The following ABTB3 variants were observed in gnomAD, a reference collection of about 807,000 sequenced individuals.
ABTB3 encodes the protein ankyrin repeat and BTB domain containing 3.
the ABTB3 span, among the ~76,000 whole-genome samples, chr12:107,441,774 C>CAAAAAAAAAAAAAAAA: frequency 4.4e-4 from 35 of 80,016 alleles, 1 homozygote; most frequent in African/African-American, 1.6e-3. Flanking sequence ...CTTGTCTCTA[C>CAAAAAAAAAAAAAAAA]AAAAAAAAAA....
chr12:107,409,899 GAA>G, the ABTB3 span, among the ~76,000 whole-genome samples: 4 of 152,104 alleles, frequency 2.6e-5, no homozygotes, highest in Non-Finnish European at 5.9e-5. Flanking sequence ...ATCAAAAAAA[GAA>G]AAGAAAATAC....
chr12:107,397,907 G>GC, the ABTB3 span, among the ~76,000 whole-genome samples: 8 of 152,152 alleles, frequency 5.3e-5, no homozygotes, highest in African/African-American at 1.9e-4. Context: ...GTTCTGTGCT[G>GC]CGTTGACATA....
At chr12:107,639,280 C>T in the ABTB3 span, among the ~76,000 whole-genome samples, 2 of 152,152 alleles carry the variant, frequency 1.3e-5, no homozygotes, top group African/African-American at 4.8e-5. Context: ...CACAAGTGGC[C>T]TCATTAAGAC....
chr12:107,637,851 C>T, the ABTB3 span, among the ~76,000 whole-genome samples: 1 of 150,058 alleles, frequency 6.7e-6, no homozygotes, highest in Non-Finnish European at 1.5e-5. Flanking sequence ...TGTCCTGTTG[C>T]CCTCCCAATG....
At chr12:107,385,034 A>C in the ABTB3 span, among the ~76,000 whole-genome samples, 7 of 152,240 alleles carry the variant, frequency 4.6e-5, no homozygotes, top group African/African-American at 1.7e-4. Context: ...ACTAGGGCTT[A>C]GTTCAGCACT....
the ABTB3 span, among the ~76,000 whole-genome samples, chr12:107,320,329 C>T: frequency 6.6e-6 from 1 of 152,226 alleles, no homozygotes; most frequent in Non-Finnish European, 1.5e-5. Flanking sequence ...CGGGGCGGGG[C>T]GACAGCTGCC....
the ABTB3 span, among the ~76,000 whole-genome samples, chr12:107,549,134 T>C: frequency 0.38 from 57,693 of 152,024 alleles, 11,094 homozygotes; most frequent in African/African-American, 0.39. Flanking sequence ...ATCTCAACTA[T>C]AAACATGAGT....
At chr12:107,550,444 A>G in the ABTB3 span, among the ~76,000 whole-genome samples, 3 of 151,778 alleles carry the variant, frequency 2.0e-5, no homozygotes, top group Non-Finnish European at 2.9e-5. Context: ...TGGACTCGTA[A>G]TATGGAAAAT....
the ABTB3 span, among the ~76,000 whole-genome samples, chr12:107,334,729 T>C: frequency 1.3e-5 from 2 of 151,918 alleles, no homozygotes; most frequent in East Asian, 3.9e-4. Context: ...GGAGTGAGTA[T>C]AGAAGGGACA....
chr12:107,523,103 A>C, the ABTB3 span, among the ~76,000 whole-genome samples: 6 of 152,196 alleles, frequency 3.9e-5, no homozygotes, highest in Admixed American at 1.3e-4. Flanking sequence ...AATTCCAGCA[A>C]ATCCTGAACT....
At chr12:107,320,741 C>T in the ABTB3 span, 1 of 452,540 alleles carries the variant, frequency 2.2e-6, no homozygotes, top group East Asian at 7.0e-5. Context: ...GCGGGATGGA[C>T]AAAGCCCCCA....
At chr12:107,653,442 G>T in the ABTB3 span, among the ~76,000 whole-genome samples, 2 of 151,962 alleles carry the variant, frequency 1.3e-5, no homozygotes, top group Non-Finnish European at 1.5e-5. Context: ...GCATGAACCT[G>T]GGGGCCAGAG....
At chr12:107,597,846 G>A in the ABTB3 span, among the ~76,000 whole-genome samples, 1 of 152,224 alleles carries the variant, frequency 6.6e-6, no homozygotes, top group Non-Finnish European at 1.5e-5. Flanking sequence ...CTTGAAAGCA[G>A]GAGTCAGCAA....
the ABTB3 span, among the ~76,000 whole-genome samples, chr12:107,470,698 G>T: frequency 6.6e-6 from 1 of 152,178 alleles, no homozygotes; most frequent in Non-Finnish European, 1.5e-5. Flanking sequence ...AAAATTAACC[G>T]ACCCTGGCCT....
At chr12:107,480,841 G>GTGAA in the ABTB3 span, among the ~76,000 whole-genome samples, 1 of 152,188 alleles carries the variant, frequency 6.6e-6, no homozygotes, top group African/African-American at 2.4e-5. Context: ...ACACCCAAAG[G>GTGAA]TGAAGCCCAG....
At chr12:107,544,315 C>T in the ABTB3 span, among the ~76,000 whole-genome samples, 1 of 152,056 alleles carries the variant, frequency 6.6e-6, no homozygotes, top group Admixed American at 6.5e-5. Context: ...TGTGGGGGTC[C>T]TTGAAATGGG....
the ABTB3 span, among the ~76,000 whole-genome samples, chr12:107,417,170 A>T: frequency 6.6e-6 from 1 of 152,236 alleles, no homozygotes; most frequent in Non-Finnish European, 1.5e-5. Flanking sequence ...ATCCAAGCGT[A>T]GGTACACTCA....
chr12:107,617,217 C>G, the ABTB3 span: 2 of 1,613,612 alleles, frequency 1.2e-6, no homozygotes, highest in Non-Finnish European at 1.7e-6. Context: ...GGCCAGGGAG[C>G]TCCAGTGCAC....
the ABTB3 span, among the ~76,000 whole-genome samples, chr12:107,621,150 G>A: frequency 2.6e-5 from 4 of 152,272 alleles, no homozygotes; most frequent in South Asian, 2.1e-4. Flanking sequence ...TCTGGGCCTC[G>A]GGTGGAAAGC....
Sources: allele counts gnomAD v4.1 joint callset (sites outside exome capture counted in the v4.1 genomes callset), GRCh38; gene constraint gnomAD v4.1.1; transcripts MANE v1.5; gene names NCBI Gene and HGNC (gene_info 2026-07-23, HGNC 2026-07-21).